The following ANGPTL8 variants were observed in gnomAD, a reference collection of about 807,000 sequenced individuals.
ANGPTL8 encodes angiopoietin-like protein 8.
A neutral mutation model predicts 22.6 loss-of-function variants in ANGPTL8; 24 were observed. The observed-to-expected ratio is 1.06, with a 90% CI of 0.77 to 1.49. The LOEUF (loss-of-function observed/expected upper bound fraction) is 1.49. ANGPTL8 is among the 40% of genes most tolerant of loss of function. The pLI is 0.00. For missense variants in ANGPTL8, 230 were observed against 259.6 expected (o/e 0.89, Z 0.78); for synonymous variants, 88 against 113.4 (o/e 0.78, Z 1.42).
chr19:11,239,641 C>T lies in ANGPTL8; in HGVS notation c.4C>T (p.Pro2Ser). 1 of 1,613,740 alleles carries T rather than the reference C, an allele frequency of 6.2e-7. No individual in the cohort carries two copies. Among genetic ancestry groups the T allele is most frequent in the South Asian group, 1.1e-5 (1 of 91,072 alleles). The change falls in exon 1 of 4, where the codon CCA becomes TCA. Residue 2 changes from proline to serine, a missense_variant. Physicochemically the swap from Pro to Ser is moderately conservative, Grantham distance 74. Coordinates refer to ENST00000252453, the MANE Select transcript of ANGPTL8 (RefSeq NM_018687.7). MPVPALCLLWAL... is the reference protein window; with the variant it reads MSVPALCLLWAL... ...GCTATACCTTAGACCCTCAGTCATG[C>T]CAGTGCCTGCTCTGTGCCTGCTCTG...
At chr19:11,239,988 C>T (rs1167099704) in intron 1 of ANGPTL8, 54 bp downstream of exon 1, 17 of 1,551,674 alleles carry the variant, frequency 1.1e-5, no homozygotes, top group Non-Finnish European at 1.4e-5. Flanking sequence ...AAGAGGAGTT[C>T]GTGTCTAGGG....
Position 11,239,709 on chromosome 19 carries a change from G to T in ANGPTL8, c.72G>T (p.Met24Ile), listed in dbSNP as rs1440181542. The change falls in exon 1 of 4, where the codon ATG (methionine) becomes ATT (isoleucine). Residue 24 changes from methionine (M) to isoleucine (I), a missense_variant. Coordinates refer to ENST00000252453, the MANE Select transcript of ANGPTL8 (RefSeq NM_018687.7). ...MVTRPASAAPMGGPELAQHEE... is the reference protein window; with the variant it reads ...MVTRPASAAPIGGPELAQHEE... ...CCCGGCCTGCCTCAGCGGCCCCCAT[G>T]GGCGGCCCAGAACTGGCACAGCATG... 6.2e-7 allele frequency: 1 copy of T among 1,613,606 alleles called. No individual in the cohort carries two copies. The highest frequency in any genetic ancestry group is 2.2e-5 in the East Asian group (1 of 44,890).
intron 2 of ANGPTL8, among the ~76,000 whole-genome samples, chr19:11,240,910 A>G (rs553358823): frequency 8.5e-4 from 129 of 151,870 alleles, no homozygotes; most frequent in Non-Finnish European, 1.6e-3. Flanking sequence ...ACATTTTGTG[A>G]GCACCCAGTA....
rs2079944892 is a variant in ANGPTL8, at chr19:11,241,568, G to T, written c.569+14G>T. 3 of 1,554,220 alleles carry T rather than the reference G, an allele frequency of 1.9e-6. No homozygotes were observed. The South Asian group carries it at 3.6e-5, about 18-fold the overall frequency. ...GATCCAGGAGAGGTGAGCCTGGCAG[G>T]GGTTTGGCAGGCAGGGCAGTTGGAT... On this transcript the variant is annotated intron_variant, in intron 3 of 3. Transcript: ENST00000252453.
At chr19:11,241,088 T>C (rs563282742) in intron 2 of ANGPTL8, among the ~76,000 whole-genome samples, 49 of 151,848 alleles carry the variant, frequency 3.2e-4, no homozygotes, top group Non-Finnish European at 2.7e-4. Context: ...CTACTAAAAA[T>C]ACAAAAAATT....
In ANGPTL8 at chr19:11,240,267, C is replaced by A. The variant is rs1198365014; in HGVS notation, c.430C>A (p.Pro144Thr). 5 of 1,583,978 alleles carry A rather than the reference C, an allele frequency of 3.2e-6. No individual in the cohort carries two copies. Among genetic ancestry groups the A allele is most frequent in the Non-Finnish European group, 4.3e-6 (5 of 1,166,718 alleles). The change falls in exon 2 of 4, where the codon CCT (proline) becomes ACT (threonine). Residue 144 changes from proline (P) to threonine (T), a missense_variant. Physicochemically the swap from Pro to Thr is conservative, Grantham distance 38. Transcript: ENST00000252453. ...EVQLRSAWLG[P>T]AYREFEVLKA... is the part of the protein sequence containing the mutation. ...CCAGCTGAGGAGCGCCTGGCTGGGC[C>A]CTGCCTACCGAGAATTTGAGGTCTT... is the stretch of plus-strand genomic sequence containing the variant.
Position 11,240,303 on chromosome 19 carries a change from A to G in ANGPTL8, c.459+7A>G. ...AGAATTTGAGGTCTTAAAGGTAAGG[A>G]GCTCCCCCAACCCTAGTGGGCTGAG... On this transcript the variant is annotated splice_region_variant and intron_variant, in intron 2 of 3. Transcript: ENST00000252453. 6.4e-7 allele frequency: 1 copy of G among 1,560,026 alleles called. No homozygotes were observed. The highest frequency in any genetic ancestry group is 8.7e-7 in the Non-Finnish European group (1 of 1,155,158).
At chr19:11,241,107 G>A (rs1456019318) in intron 2 of ANGPTL8, among the ~76,000 whole-genome samples, 2 of 151,894 alleles carry the variant, frequency 1.3e-5, no homozygotes, top group African/African-American at 2.4e-5. Flanking sequence ...TTAGCTGGGC[G>A]TGGTGGCACA....
chr19:11,239,862 A>G lies in ANGPTL8; in HGVS notation c.225A>G (p.Glu75=). 6.3e-7 allele frequency: 1 copy of G among 1,598,014 alleles called. No homozygotes were observed. Among genetic ancestry groups the G allele is most frequent in the South Asian group, 1.1e-5 (1 of 88,526 alleles). ...NSLGLYGRTI[E]LLGQEVSRGR... ...TGGGTCTCTATGGCCGCACAATAGAACTCCTGGGGCAGGAGGTCAGCCGGG... is the reference window on the plus strand; with the variant it reads ...TGGGTCTCTATGGCCGCACAATAGAGCTCCTGGGGCAGGAGGTCAGCCGGG... The change falls in exon 1 of 4, where the codon GAA becomes GAG. Residue 75 remains glutamate (E), a synonymous_variant. Coordinates refer to ENST00000252453, the MANE Select transcript of ANGPTL8 (RefSeq NM_018687.7).
At chr19:11,239,996 G>T in intron 1 of ANGPTL8, 62 bp downstream of exon 1, 2 of 1,550,776 alleles carry the variant, frequency 1.3e-6, no homozygotes, top group Non-Finnish European at 1.7e-6. Flanking sequence ...TTCGTGTCTA[G>T]GGTAACCAAC....
Position 11,241,537 on chromosome 19 carries a change from G to T in ANGPTL8, c.552G>T (p.Leu184=). The T allele has an allele frequency of 1.3e-6, 2 of 1,553,144 alleles. No homozygotes were observed. The highest frequency in any genetic ancestry group is 1.7e-6 in the Non-Finnish European group (2 of 1,147,866). Residue 184 remains leucine, a synonymous_variant, in exon 3 of 4, where the codon CTG becomes CTT. Coordinates refer to ENST00000252453, the MANE Select transcript of ANGPTL8 (RefSeq NM_018687.7). Reference sequence around the variant, plus strand: ...AGATGGTGGCACAGCAGCATCGGCTGCGACAGATCCAGGAGAGGTGAGCCT... The same window carrying T: ...AGATGGTGGCACAGCAGCATCGGCTTCGACAGATCCAGGAGAGGTGAGCCT... ...RREMVAQQHR[L]RQIQERLHTA...
At position 11,240,183 on chromosome 19, in the gene ANGPTL8, C is replaced by T; in HGVS notation, c.346C>T (p.Leu116=). The T allele has an allele frequency of 6.4e-7, 1 of 1,554,026 alleles. No individual in the cohort carries two copies. The highest frequency in any genetic ancestry group is 1.7e-4 in the Middle Eastern group (1 of 5,868). ...GCAGGCAGAGGCCACAGCTGAGGTG[C>T]TGGGGGAGGTGGCCCAGGCACAGAA... ...QLQAEATAEV[L]GEVAQAQKVL... The change falls in exon 2 of 4, where the codon CTG becomes TTG. Residue 116 remains leucine, a synonymous_variant. Coordinates refer to ENST00000252453, the MANE Select transcript of ANGPTL8 (RefSeq NM_018687.7).
Position 11,239,757 on chromosome 19 carries a change from T to A in ANGPTL8, c.120T>A (p.His40Gln). 6.2e-7 allele frequency: 1 copy of A among 1,612,310 alleles called. No individual in the cohort carries two copies. The highest frequency in any genetic ancestry group is 8.5e-7 in the Non-Finnish European group (1 of 1,179,368). Residue 40 changes from histidine to glutamine, a missense_variant, in exon 1 of 4, where the codon CAT (histidine) becomes CAA (glutamine). Transcript: ENST00000252453. ...AQHEELTLLF[H>Q]GTLQLGQALN... ...ATGAGGAGCTGACCCTGCTCTTCCA[T>A]GGGACCCTGCAGCTGGGCCAGGCCC...
rs751720038 is a variant in ANGPTL8, at chr19:11,240,170, C to T, written c.333C>T (p.Ala111=). The T allele has an allele frequency of 6.4e-6, 10 of 1,552,540 alleles. No homozygotes were observed. Among genetic ancestry groups the T allele is most frequent in the African/African-American group, 1.4e-5 (1 of 73,082 alleles). The change falls in exon 2 of 4, where the codon GCC becomes GCT. Residue 111 remains alanine (A), a synonymous_variant. Transcript: ENST00000252453. The part of the protein sequence containing the change: ...EEDILQLQAE[A]TAEVLGEVAQ... ...ATATTCTGCAGCTGCAGGCAGAGGC[C>T]ACAGCTGAGGTGCTGGGGGAGGTGG...
intron 2 of ANGPTL8, 114 bp from the exon 3 acceptor site, chr19:11,241,329 CAA>C: frequency 1.5e-6 from 1 of 664,278 alleles, no homozygotes; most frequent in Non-Finnish European, 2.7e-6. Context: ...AAACTGAGGC[CAA>C]AGAGCATTGT....
chr19:11,239,766 G>A lies in ANGPTL8; in HGVS notation c.129G>A (p.Leu43=). The A allele has an allele frequency of 1.2e-6, 2 of 1,611,756 alleles. No individual in the cohort carries two copies. The highest frequency in any genetic ancestry group is 1.7e-6 in the Non-Finnish European group (2 of 1,179,116). The part of the protein sequence containing the change: ...EELTLLFHGT[L]QLGQALNGVY... ...TGACCCTGCTCTTCCATGGGACCCT[G>A]CAGCTGGGCCAGGCCCTCAACGGTG... Residue 43 remains leucine (L), a synonymous_variant, in exon 1 of 4, where the codon CTG becomes CTA. Coordinates refer to ENST00000252453, the MANE Select transcript of ANGPTL8 (RefSeq NM_018687.7).
chr19:11,239,879 T>A lies in ANGPTL8; in HGVS notation c.242T>A (p.Val81Asp). The change falls in exon 1 of 4, where the codon GTC becomes GAC. Residue 81 changes from valine to aspartate, a missense_variant. Physicochemically the swap from Val to Asp is radical, Grantham distance 152. Coordinates refer to ENST00000252453, the MANE Select transcript of ANGPTL8 (RefSeq NM_018687.7). ...GRTIELLGQEVSRGRDAAQEL... is the reference protein window; with the variant it reads ...GRTIELLGQEDSRGRDAAQEL... ...ACAATAGAACTCCTGGGGCAGGAGGTCAGCCGGGGCCGGGATGCAGCCCAG... is the reference window on the plus strand; with the variant it reads ...ACAATAGAACTCCTGGGGCAGGAGGACAGCCGGGGCCGGGATGCAGCCCAG... 1 of 1,596,614 alleles carries A rather than the reference T, an allele frequency of 6.3e-7. No individual in the cohort carries two copies. Among genetic ancestry groups the A allele is most frequent in the Non-Finnish European group, 8.5e-7 (1 of 1,172,088 alleles).
intron 2 of ANGPTL8, among the ~76,000 whole-genome samples, chr19:11,240,546 G>C (rs536697002): frequency 6.6e-6 from 1 of 151,744 alleles, no homozygotes; most frequent in South Asian, 2.1e-4. Context: ...AAAATATTCA[G>C]CATGGGGCGG....
chr19:11,240,412 C>A, intron 2 of ANGPTL8, 116 bp downstream of exon 2: 2 of 1,039,112 alleles, frequency 1.9e-6, no homozygotes, highest in Non-Finnish European at 1.3e-6. Flanking sequence ...GTGGCCTCTA[C>A]CCTGCATGTC....
Sources: allele counts gnomAD v4.1 joint callset (sites outside exome capture counted in the v4.1 genomes callset), GRCh38; gene constraint gnomAD v4.1.1; transcripts MANE v1.5; gene names NCBI Gene and HGNC (gene_info 2026-07-23, HGNC 2026-07-21).